Variants in POLR2F observed in about 807,000 individuals in gnomAD.
The protein encoded by POLR2F is RNA polymerase II, I and III subunit F.
POLR2F carries 12 observed loss-of-function variants against 22.7 expected under a neutral mutation model. The observed-to-expected ratio is 0.53, with a 90% CI of 0.34 to 0.86. The LOEUF is 0.86. Among genes scored for constraint, POLR2F ranks in the 40% least tolerant of loss-of-function variants. The pLI is 0.02. For missense variants in POLR2F, 126 were observed against 171.5 expected (o/e 0.73, Z 1.48); for synonymous variants, 57 against 66.0 (o/e 0.86, Z 0.66).
chr22:38,020,395 G>C (rs1251553801), intron 1 of POLR2F, among the ~76,000 whole-genome samples: 1 of 150,974 alleles, frequency 6.6e-6, no homozygotes, highest in Admixed American at 6.6e-5. Context: ...TTCCTGAGTA[G>C]CTGGGATTAC....
intron 5 of POLR2F, among the ~76,000 whole-genome samples, chr22:38,039,129 C>T (rs1276874041): frequency 6.6e-6 from 1 of 152,208 alleles, no homozygotes; most frequent in African/African-American, 2.4e-5. Context: ...GAGTGGACTG[C>T]GCTTGAGGGG....
At chr22:37,981,156 T>A (rs1345146288) in intron 4 of POLR2F, among the ~76,000 whole-genome samples, 1 of 152,188 alleles carries the variant, frequency 6.6e-6, no homozygotes. Context: ...GTGTGTATCT[T>A]TCTCTTTTTG....
chr22:37,955,234 A>G (rs1931332630), intron 1 of POLR2F, among the ~76,000 whole-genome samples: 1 of 149,964 alleles, frequency 6.7e-6, no homozygotes, highest in Non-Finnish European at 1.5e-5. Flanking sequence ...GATGAGGAAA[A>G]GCACATGTTG....
chr22:38,027,871 T>G (rs1371645595), downstream of POLR2F, among the ~76,000 whole-genome samples: 1 of 152,150 alleles, frequency 6.6e-6, no homozygotes, highest in Non-Finnish European at 1.5e-5. Context: ...GAGCCCTTAC[T>G]GCATGCCACA....
intron 2 of POLR2F, among the ~76,000 whole-genome samples, chr22:37,957,856 T>G (rs189202161): frequency 6.6e-6 from 1 of 152,332 alleles, no homozygotes. Context: ...TTCAGCACCC[T>G]TTCTTACTTG....
chr22:37,977,180 A>AAAG (rs1932245772), intron 4 of POLR2F, among the ~76,000 whole-genome samples: 1 of 151,118 alleles, frequency 6.6e-6, no homozygotes, highest in Non-Finnish European at 1.5e-5. Flanking sequence ...GAAAAAAAAA[A>AAAG]AAAAGAATGG....
chr22:37,984,250 G>A (rs1281708386), upstream of POLR2F: 1 of 154,622 alleles, frequency 6.5e-6, no homozygotes, highest in African/African-American at 2.4e-5. This position sits in a 1 kb window ranked among gnomAD's most constrained non-coding sequence, Gnocchi z 4.4. Context: ...AGAGCCAGGT[G>A]GGGGGCAAGG....
intron 1 of POLR2F, among the ~76,000 whole-genome samples, chr22:37,998,671 G>A (rs1160615028): frequency 6.6e-6 from 1 of 152,222 alleles, no homozygotes; most frequent in Non-Finnish European, 1.5e-5. Context: ...GCCAGGAGAA[G>A]GGTTAAGTCA....
chr22:37,996,625 C>T (rs1157163850), intron 1 of POLR2F, among the ~76,000 whole-genome samples: 4 of 152,232 alleles, frequency 2.6e-5, no homozygotes, highest in African/African-American at 9.6e-5. Flanking sequence ...GACCTAGCTG[C>T]AGTGTCACTC....
intron 1 of POLR2F, among the ~76,000 whole-genome samples, chr22:38,001,197 G>A (rs976724428): frequency 1.3e-5 from 2 of 152,144 alleles, no homozygotes; most frequent in African/African-American, 4.8e-5. Flanking sequence ...TTCCTAATCT[G>A]TAAAACAGGG....
At chr22:37,977,810 T>G in intron 4 of POLR2F, 1 of 1,553,628 alleles carries the variant, frequency 6.4e-7, no homozygotes, top group African/African-American at 1.4e-5. Context: ...CATCCAGCCA[T>G]CTCCTGTCTC....
In POLR2F at chr22:37,980,590, AG is replaced by A. The variant is rs1569170130; in HGVS notation, c.293+13421del. Among the ~76,000 whole-genome samples, 1 of 151,738 alleles carries A rather than the reference AG, an allele frequency of 6.6e-6. No individual in the cohort carries two copies. The highest frequency in any genetic ancestry group is 2.4e-5 in the African/African-American group (1 of 41,260). On this transcript the variant is annotated intron_variant, in intron 4 of 4. Transcript: ENST00000405557. The surrounding 1 kb of genome is among the most constrained non-coding windows in gnomAD (Gnocchi z 4.1). The stretch of plus-strand genomic sequence containing the variant: ...CCACCTCCACCCCAACCCCAAGCCC[AG>A]CCTGCCCACCATGTAAACCCAATCT...
intron 1 of POLR2F, among the ~76,000 whole-genome samples, chr22:38,005,696 AT>A (rs2084814984): frequency 6.6e-6 from 1 of 152,226 alleles, no homozygotes; most frequent in Non-Finnish European, 1.5e-5. Flanking sequence ...ATCACCTAAA[AT>A]GACAAGACCC....
At chr22:37,983,843 G>A, upstream of POLR2F, 1 of 1,327,920 alleles carries the variant, frequency 7.5e-7, no homozygotes, top group Non-Finnish European at 9.6e-7. This position sits in a 1 kb window ranked among gnomAD's most constrained non-coding sequence, Gnocchi z 9.5. Context: ...AGCCGCCGGG[G>A]TCCTCGCAAA....
intron 3 of POLR2F, among the ~76,000 whole-genome samples, chr22:37,962,412 A>G (rs920251374): frequency 5.3e-5 from 8 of 152,070 alleles, no homozygotes; most frequent in Admixed American, 4.6e-4. Flanking sequence ...CTACTTCAAT[A>G]AAGGGTTTTA....
At chr22:38,001,084 G>T (rs535710426) in intron 1 of POLR2F, among the ~76,000 whole-genome samples, 78 of 152,232 alleles carry the variant, frequency 5.1e-4, no homozygotes, top group African/African-American at 1.3e-3. Context: ...TGAGAGGAGG[G>T]GTTGAGAGAG....
intron 1 of POLR2F, among the ~76,000 whole-genome samples, chr22:38,020,795 C>A (rs1237581800): frequency 6.6e-6 from 1 of 152,058 alleles, no homozygotes; most frequent in Non-Finnish European, 1.5e-5. Context: ...TTTCCTGCCA[C>A]CTTTTCCCCT....
In POLR2F at chr22:37,974,337, C is replaced by T; in HGVS notation, c.293+7167C>T. ...CCTTGTAAGTTTCACATTTTGGCAG[C>T]ATGAGTCGGGTTTTTTTTTGTTTTT... On this transcript the variant is annotated intron_variant, in intron 4 of 4. Transcript: ENST00000405557. The surrounding 1 kb of genome is among the most constrained non-coding windows in gnomAD (Gnocchi z 5.4). 1 of 643,930 alleles carries T rather than the reference C, an allele frequency of 1.6e-6. No homozygotes were observed. The highest frequency in any genetic ancestry group is 2.7e-6 in the Non-Finnish European group (1 of 374,656). 39.9% of individuals were successfully genotyped at this position (643,930 alleles called of 1,614,324 possible).
At chr22:38,005,418 G>A (rs1246614903) in intron 1 of POLR2F, among the ~76,000 whole-genome samples, 5 of 152,156 alleles carry the variant, frequency 3.3e-5, no homozygotes, top group African/African-American at 9.7e-5. Context: ...GAGCCACCTC[G>A]AATGCCAGAT....
Sources: allele counts gnomAD v4.1 joint callset (sites outside exome capture counted in the v4.1 genomes callset), GRCh38; gene constraint gnomAD v4.1.1; non-coding constraint Gnocchi (gnomAD v3.1); transcripts MANE v1.5; gene names NCBI Gene and HGNC (gene_info 2026-07-23, HGNC 2026-07-21).